TAF4: variants seen among roughly 807,000 people sequenced by gnomAD.
TAF4 encodes transcription initiation factor TFIID subunit 4.
TAF4 carries 9 observed loss-of-function variants against 90.3 expected under a neutral mutation model. The ratio of observed to expected loss-of-function variants is 0.10; its 90% CI spans 0.06 to 0.17. TAF4 has a LOEUF of 0.17. Among genes scored for constraint, TAF4 ranks in the 10% least tolerant of loss-of-function variants. TAF4 has a pLI of 1.00. For missense variants in TAF4, 1,351 were observed against 1,370.7 expected (o/e 0.99, Z 0.23); for synonymous variants, 818 against 638.9 (o/e 1.28, Z -4.23).
At chr20:62,023,341 G>C (rs1331827092) in intron 1 of TAF4, among the ~76,000 whole-genome samples, 2 of 152,032 alleles carry the variant, frequency 1.3e-5, no homozygotes, top group Non-Finnish European at 2.9e-5. Flanking sequence ...TGAGGCACGA[G>C]AATCGCTTGA....
At chr20:62,042,582 C>T (rs575820467) in intron 1 of TAF4, among the ~76,000 whole-genome samples, 11 of 152,302 alleles carry the variant, frequency 7.2e-5, no homozygotes, top group Middle Eastern at 3.4e-3. Flanking sequence ...AGGGCTCACC[C>T]GGGCTCCTGC....
intron 1 of TAF4, among the ~76,000 whole-genome samples, chr20:62,027,937 G>A (rs1284584712): frequency 1.3e-5 from 2 of 152,196 alleles, no homozygotes; most frequent in Admixed American, 6.5e-5. Flanking sequence ...CCCTCACCTC[G>A]GCGGCCTAGG....
intron 1 of TAF4, among the ~76,000 whole-genome samples, chr20:62,033,749 A>AC (rs1259412328): frequency 2.0e-5 from 3 of 151,568 alleles, no homozygotes; most frequent in Non-Finnish European, 2.9e-5. Flanking sequence ...AAAAAAAAAA[A>AC]AAAAGAAAAA....
chr20:62,033,064 G>A (rs919008518), intron 1 of TAF4, among the ~76,000 whole-genome samples: 11 of 152,158 alleles, frequency 7.2e-5, no homozygotes, highest in Non-Finnish European at 1.2e-4. Context: ...GAGGCAGGAG[G>A]GCAAAGAAAG....
At chr20:62,060,867 C>A (rs906927333) in intron 1 of TAF4, among the ~76,000 whole-genome samples, 2 of 152,182 alleles carry the variant, frequency 1.3e-5, no homozygotes, top group African/African-American at 4.8e-5. Context: ...ACACCTCAGT[C>A]ACTGAGAAAA....
At chr20:62,023,033 G>A (rs2055852610) in intron 1 of TAF4, among the ~76,000 whole-genome samples, 1 of 152,230 alleles carries the variant, frequency 6.6e-6, no homozygotes, top group Non-Finnish European at 1.5e-5. Context: ...CTCCCAAACT[G>A]ATCTGCAGAA....
intron 2 of TAF4, among the ~76,000 whole-genome samples, chr20:62,013,199 A>G (rs1410050462): frequency 1.3e-5 from 2 of 152,236 alleles, no homozygotes; most frequent in African/African-American, 4.8e-5. Context: ...GAACGCAGGT[A>G]TCTAGAAATC....
chr20:61,989,963 C>T (rs1278240186), intron 14 of TAF4, among the ~76,000 whole-genome samples: 1 of 152,076 alleles, frequency 6.6e-6, no homozygotes, highest in African/African-American at 2.4e-5. Context: ...GGTGGAGGTG[C>T]GATAAGGGTG....
chr20:61,996,835 T>C (rs1186394683), intron 14 of TAF4, among the ~76,000 whole-genome samples: 1 of 148,854 alleles, frequency 6.7e-6, no homozygotes, highest in Non-Finnish European at 1.5e-5. Flanking sequence ...TGAAATACAA[T>C]TTTTCAAGTA....
chr20:61,994,976 CAG>C (rs2055654529), intron 14 of TAF4, among the ~76,000 whole-genome samples: 1 of 152,186 alleles, frequency 6.6e-6, no homozygotes, highest in African/African-American at 2.4e-5. Flanking sequence ...ACAGGAAAGA[CAG>C]AGTTTGCAAC....
chr20:61,991,329 A>C (rs2055629926), intron 14 of TAF4, among the ~76,000 whole-genome samples: 1 of 152,038 alleles, frequency 6.6e-6, no homozygotes, highest in Non-Finnish European at 1.5e-5. Flanking sequence ...GCTGAGGCAG[A>C]AGAAAACCAG....
chr20:62,009,006 G>GC, intron 5 of TAF4, 46 bp downstream of exon 5: 1 of 1,596,812 alleles, frequency 6.3e-7, no homozygotes, highest in Non-Finnish European at 8.5e-7. Flanking sequence ...TCTGTCCTAT[G>GC]CAACAGGCTT....
intron 14 of TAF4, 140 bp downstream of exon 14, chr20:61,997,410 A>C: frequency 8.9e-7 from 1 of 1,127,074 alleles, no homozygotes; most frequent in Non-Finnish European, 1.2e-6. Flanking sequence ...AACGTAAAAC[A>C]AATACTCCAG....
At chr20:62,041,484 C>G (rs914561458) in intron 1 of TAF4, among the ~76,000 whole-genome samples, 38 of 152,068 alleles carry the variant, frequency 2.5e-4, no homozygotes, top group African/African-American at 9.2e-4. Context: ...AAAAAATCAG[C>G]CAGGCGTGGT....
At chr20:62,061,645 T>C (rs558950847) in intron 1 of TAF4, among the ~76,000 whole-genome samples, 16 of 152,354 alleles carry the variant, frequency 1.1e-4, no homozygotes, top group African/African-American at 3.8e-4. Flanking sequence ...TTTTCTTCTT[T>C]CAGCTGTAAT....
chr20:62,014,357 G>C (rs774157803), intron 2 of TAF4, among the ~76,000 whole-genome samples, 190 bp downstream of exon 2: 1 of 152,138 alleles, frequency 6.6e-6, no homozygotes, highest in Non-Finnish European at 1.5e-5. Flanking sequence ...CCCTGCCACC[G>C]AGAGGAGGAC....
intron 14 of TAF4, among the ~76,000 whole-genome samples, chr20:61,985,991 T>TCCCCCATCAAAGGAAAC (rs1568922367): frequency 9.9e-6 from 1 of 100,788 alleles, no homozygotes; most frequent in African/African-American, 4.1e-5. Context: ...TCAAAGGAAA[T>TCCCCCATCAAAGGAAAC]ACCATCCCCA....
chr20:62,006,720 G>T lies in TAF4; in HGVS notation c.2013C>A (p.Ser671=), dbSNP rs370500200. 3 of 1,566,308 alleles carry T rather than the reference G, an allele frequency of 1.9e-6. No homozygotes were observed. The highest frequency in any genetic ancestry group is 2.6e-6 in the Non-Finnish European group (3 of 1,150,682). Residue 671 remains serine (S), a synonymous_variant, in exon 7 of 15, where the codon TCC becomes TCA. Coordinates refer to ENST00000252996, the MANE Select transcript of TAF4 (RefSeq NM_003185.4). This position sits in a 1 kb window ranked among gnomAD's most constrained non-coding sequence, Gnocchi z 7.0. The stretch of plus-strand genomic sequence containing the variant: ...GCTGGCTCTGCTGGATGAAGGCCGC[G>T]GAGTCGGGGGTCAGCTGTCTCAAGG... ...LPALRQLTPD[S]AAFIQQSQQQ... is the part of the protein sequence containing the mutation.
chr20:62,034,331 T>C (rs2055920640), intron 1 of TAF4, among the ~76,000 whole-genome samples: 5 of 152,182 alleles, frequency 3.3e-5, no homozygotes, highest in Admixed American at 3.3e-4. Flanking sequence ...CGCAATTTTT[T>C]GTTTATTTTT....
Sources: allele counts gnomAD v4.1 joint callset (sites outside exome capture counted in the v4.1 genomes callset), GRCh38; gene constraint gnomAD v4.1.1; non-coding constraint Gnocchi (gnomAD v3.1); transcripts MANE v1.5; gene names NCBI Gene and HGNC (gene_info 2026-07-23, HGNC 2026-07-21).